Variants in GNAZ observed in about 807,000 individuals in gnomAD.
The protein encoded by GNAZ is G protein subunit alpha z.
In GNAZ, 3 loss-of-function variants were observed where a neutral mutation model predicts 25.4. The observed-to-expected ratio is 0.12, with a 90% CI of 0.05 to 0.30. The LOEUF is 0.30. Ranked by LOEUF, GNAZ falls within the 10% of genes least tolerant of loss-of-function variation. GNAZ has a pLI of 1.00. For missense variants in GNAZ, 241 were observed against 501.8 expected (o/e 0.48, Z 4.97); for synonymous variants, 211 against 205.7 (o/e 1.03, Z -0.22).
At chr22:23,078,841 A>G (rs905752207) in intron 1 of GNAZ, among the ~76,000 whole-genome samples, 11 of 152,190 alleles carry the variant, frequency 7.2e-5, no homozygotes, top group African/African-American at 2.7e-4. Flanking sequence ...AGATGAGGGG[A>G]CATCCTGGCT....
At chr22:23,113,582 A>G (rs1330656014) in intron 2 of GNAZ, among the ~76,000 whole-genome samples, 1 of 152,206 alleles carries the variant, frequency 6.6e-6, no homozygotes, top group East Asian at 1.9e-4. Context: ...GACTGATACC[A>G]TCCTTGGAGT....
At chr22:23,099,891 G>A (rs2069244737) in intron 2 of GNAZ, among the ~76,000 whole-genome samples, 1 of 152,260 alleles carries the variant, frequency 6.6e-6, no homozygotes, top group South Asian at 2.1e-4. Context: ...GGGGTAGGTG[G>A]GCACTTGTTG....
At chr22:23,120,970 T>C (rs2070008164) in intron 2 of GNAZ, among the ~76,000 whole-genome samples, 2 of 152,236 alleles carry the variant, frequency 1.3e-5, no homozygotes, top group South Asian at 2.1e-4. Context: ...CTATGAGAAA[T>C]GACAGCTCTG....
chr22:23,095,017 C>T (rs2069082920), intron 1 of GNAZ, among the ~76,000 whole-genome samples: 4 of 152,256 alleles, frequency 2.6e-5, no homozygotes, highest in Non-Finnish European at 5.9e-5. Context: ...CCTCCTCTCC[C>T]TCATGCACCT....
At position 23,086,437 on chromosome 22, in the gene GNAZ, G is replaced by A. The variant is rs140165915; in HGVS notation, c.-449-8810G>A. Among the ~76,000 whole-genome samples the A allele has an allele frequency of 3.2e-3, 494 of 152,382 alleles. 2 individuals are homozygous for A. The highest frequency in any genetic ancestry group is 0.011 in the African/African-American group (471 of 41,600). On this transcript the variant is annotated intron_variant, in intron 1 of 2. Transcript: ENST00000615612. ...GTGGCAGCAGACGGGGTGGCACGGA[G>A]GTGCAGCTGTCCCCTGCGTGTCTCC...
intron 1 of GNAZ, among the ~76,000 whole-genome samples, chr22:23,077,796 G>A (rs764895641): frequency 2.2e-4 from 33 of 152,184 alleles, no homozygotes; most frequent in Non-Finnish European, 2.5e-4. Context: ...ACTATGGGTG[G>A]GAGAACTTGG....
chr22:23,115,400 G>T (rs1256215817), intron 2 of GNAZ, among the ~76,000 whole-genome samples: 7 of 152,190 alleles, frequency 4.6e-5, no homozygotes, highest in Admixed American at 3.3e-4. Context: ...ACCATCTCTG[G>T]GGTGTGTGCA....
In GNAZ at chr22:23,071,755, A is replaced by T. The variant is rs2068384012; in HGVS notation, c.-450+1185A>T. Among the ~76,000 whole-genome samples, 1 of 152,198 alleles carries T rather than the reference A, an allele frequency of 6.6e-6. No homozygotes were observed. The highest frequency in any genetic ancestry group is 2.4e-5 in the African/African-American group (1 of 41,456). ...GAGTGGTGTCCTGGGCTGGGGGGTCAGGTGAGCTCGTGGGCAACATGACAT... is the reference window on the plus strand; with the variant it reads ...GAGTGGTGTCCTGGGCTGGGGGGTCTGGTGAGCTCGTGGGCAACATGACAT... On this transcript the variant is annotated intron_variant, in intron 1 of 2. Coordinates refer to ENST00000615612, the MANE Select transcript of GNAZ (RefSeq NM_002073.4). This position sits in a 1 kb window ranked among gnomAD's most constrained non-coding sequence, Gnocchi z 4.1.
chr22:23,100,189 G>A (rs1569175604), intron 2 of GNAZ, among the ~76,000 whole-genome samples: 2 of 152,252 alleles, frequency 1.3e-5, no homozygotes, highest in Non-Finnish European at 2.9e-5. Flanking sequence ...GGAACTGGGG[G>A]ACAAGGAGGA....
intron 2 of GNAZ, among the ~76,000 whole-genome samples, chr22:23,106,366 T>G (rs2069476879): frequency 6.6e-6 from 1 of 152,142 alleles, no homozygotes; most frequent in Admixed American, 6.5e-5. Flanking sequence ...CACACAGACT[T>G]CTGGGAGAGC....
chr22:23,124,027 C>T lies in GNAZ; in HGVS notation c.*596C>T. The T allele has an allele frequency of 4.3e-6, 1 of 231,596 alleles. No individual in the cohort carries two copies. 14.3% of individuals were successfully genotyped at this position (231,596 alleles called of 1,614,324 possible). A position where few individuals can be genotyped will look rare whatever the true frequency, so the allele number is the denominator to read the frequency against. On this transcript the variant is annotated 3_prime_UTR_variant, in exon 3 of 3. Transcript: ENST00000615612. Reference sequence around the variant, plus strand: ...GTGACAGCACTAACCAGACCTCCAGCCACTCACAGCTCTTTTTAAAAAACA... The same window carrying T: ...GTGACAGCACTAACCAGACCTCCAGTCACTCACAGCTCTTTTTAAAAAACA...
At chr22:23,106,417 G>T (rs1366964418) in intron 2 of GNAZ, among the ~76,000 whole-genome samples, 2 of 152,192 alleles carry the variant, frequency 1.3e-5, no homozygotes, top group African/African-American at 2.4e-5. Flanking sequence ...ATGAGAAAGT[G>T]CTCTGTGTAC....
At chr22:23,119,945 G>A (rs970578556) in intron 2 of GNAZ, among the ~76,000 whole-genome samples, 2 of 152,184 alleles carry the variant, frequency 1.3e-5, no homozygotes, top group Admixed American at 6.5e-5. Context: ...AGGAATAGAG[G>A]AAACCAGGAA....
At chr22:23,110,243 T>G (rs1320497390) in intron 2 of GNAZ, among the ~76,000 whole-genome samples, 1 of 151,704 alleles carries the variant, frequency 6.6e-6, no homozygotes, top group Non-Finnish European at 1.5e-5. Flanking sequence ...ACTTTCCACA[T>G]CTAGAATGGA....
At chr22:23,115,299 C>T (rs2157710) in intron 2 of GNAZ, among the ~76,000 whole-genome samples, 73,857 of 152,068 alleles carry the variant, frequency 0.49, 18,601 homozygotes, top group Middle Eastern at 0.58. Context: ...TGATGGTGTA[C>T]GTTCAGCCTG....
rs541739291 is a variant in GNAZ at position 23,071,156 on chromosome 22, C to T, written c.-450+586C>T. Among the ~76,000 whole-genome samples, 30 of 152,262 alleles carry T rather than the reference C, an allele frequency of 2.0e-4. No individual in the cohort carries two copies. In the South Asian group the frequency reaches 6.0e-3, roughly 31 times the overall value. On this transcript the variant is annotated intron_variant, in intron 1 of 2. Coordinates refer to ENST00000615612, the MANE Select transcript of GNAZ (RefSeq NM_002073.4). The surrounding 1 kb of genome is among the most constrained non-coding windows in gnomAD (Gnocchi z 4.1). ...TTTAGAGGAAGAGATGAGTATCGAC[C>T]TGCTGCGATTGTAATACGTTCCCGG...
intron 2 of GNAZ, among the ~76,000 whole-genome samples, chr22:23,117,779 C>T (rs1480770915): frequency 6.6e-6 from 1 of 152,214 alleles, no homozygotes; most frequent in Non-Finnish European, 1.5e-5. Flanking sequence ...CAGCATGCAC[C>T]GGCAGTGAGT....
intron 2 of GNAZ, among the ~76,000 whole-genome samples, chr22:23,111,083 C>T (rs987243665): frequency 1.1e-4 from 17 of 152,324 alleles, no homozygotes; most frequent in South Asian, 4.1e-4. Flanking sequence ...GGGGGGCCTG[C>T]GCGCCTTCCC....
Position 23,071,995 on chromosome 22 carries a change from A to G in GNAZ, c.-450+1425A>G, listed in dbSNP as rs1032870499. ...ACCCCACTGCTGGTTAACTGTGGCT[A>G]TGGTGGAGACCACGGCTTCCTCATC... On this transcript the variant is annotated intron_variant, in intron 1 of 2. Coordinates refer to ENST00000615612, the MANE Select transcript of GNAZ (RefSeq NM_002073.4). The surrounding 1 kb of genome is among the most constrained non-coding windows in gnomAD (Gnocchi z 4.1). Among the ~76,000 whole-genome samples, 1 of 152,090 alleles carries G rather than the reference A, an allele frequency of 6.6e-6. No homozygotes were observed. The highest frequency in any genetic ancestry group is 1.5e-5 in the Non-Finnish European group (1 of 67,984).
Sources: allele counts gnomAD v4.1 joint callset (sites outside exome capture counted in the v4.1 genomes callset), GRCh38; gene constraint gnomAD v4.1.1; non-coding constraint Gnocchi (gnomAD v3.1); transcripts MANE v1.5; gene names NCBI Gene and HGNC (gene_info 2026-07-23, HGNC 2026-07-21).